Variants in ASZ1 observed in about 807,000 individuals in gnomAD.
ASZ1 encodes the protein ankyrin repeat, SAM and basic leucine zipper domain-containing protein 1.
In ASZ1, 67 loss-of-function variants were observed where a neutral mutation model predicts 61.8. The ratio of observed to expected loss-of-function variants is 1.08; its 90% CI spans 0.89 to 1.33. The LOEUF (loss-of-function observed/expected upper bound fraction) is 1.33, where lower values mean the gene tolerates loss of function less well. ASZ1 is among the 40% of genes most tolerant of loss of function. The pLI, the probability that ASZ1 is intolerant of heterozygous loss-of-function variation, is 0.00. For synonymous variants in ASZ1, 193 were observed against 192.7 expected (o/e 1.00, Z -0.01); for missense variants, 577 against 554.5 (o/e 1.04, Z -0.41).
At chr7:117,411,614 C>G (rs1796891335) in intron 4 of ASZ1, among the ~76,000 whole-genome samples, 1 of 151,816 alleles carries the variant, frequency 6.6e-6, no homozygotes, top group Non-Finnish European at 1.5e-5. Flanking sequence ...TTGAGCAATT[C>G]TACTTCTGGA....
chr7:117,370,804 T>TTGTGTGTGTGTGTGTG (rs3138784), intron 10 of ASZ1, among the ~76,000 whole-genome samples: 27 of 133,228 alleles, frequency 2.0e-4, no homozygotes, highest in African/African-American at 2.6e-4. Context: ...CCAAAGGTAA[T>TTGTGTGTGTGTGTGTG]TGTGTGTGTG....
intron 4 of ASZ1, among the ~76,000 whole-genome samples, chr7:117,410,492 T>TA (rs1796869369): frequency 6.6e-6 from 1 of 151,620 alleles, no homozygotes; most frequent in Admixed American, 6.6e-5. Context: ...AATTTTACAA[T>TA]AAAATGGCAG....
intron 6 of ASZ1, among the ~76,000 whole-genome samples, chr7:117,383,708 A>C (rs1394560666): frequency 6.6e-6 from 1 of 152,088 alleles, no homozygotes; most frequent in Non-Finnish European, 1.5e-5. Flanking sequence ...ATCTCATTTC[A>C]ATAAATGATT....
intron 4 of ASZ1, among the ~76,000 whole-genome samples, chr7:117,399,216 A>G (rs1182866968): frequency 1.3e-5 from 2 of 152,204 alleles, no homozygotes; most frequent in African/African-American, 4.8e-5. Flanking sequence ...GGCACAGAGC[A>G]AGACTGTGTC....
chr7:117,401,393 T>TA (rs1562855410), intron 4 of ASZ1, among the ~76,000 whole-genome samples: 4 of 136,086 alleles, frequency 2.9e-5, no homozygotes, highest in African/African-American at 1.1e-4. Context: ...TTTTTTTTTT[T>TA]TAAAAAAAAA....
At chr7:117,397,903 T>C (rs911552586) in intron 4 of ASZ1, among the ~76,000 whole-genome samples, 3 of 152,352 alleles carry the variant, frequency 2.0e-5, no homozygotes, top group Admixed American at 6.5e-5. Context: ...TGGCCTCTGG[T>C]TGTCCACAGG....
chr7:117,382,141 T>C lies in ASZ1; in HGVS notation c.816A>G (p.Ser272=). 6.4e-7 allele frequency: 1 copy of C among 1,570,664 alleles called. No individual in the cohort carries two copies. Among genetic ancestry groups the C allele is most frequent in the Non-Finnish European group, 8.8e-7 (1 of 1,141,194 alleles). The change falls in exon 8 of 13, where the codon TCA becomes TCG. Residue 272 remains serine (S), a synonymous_variant. Transcript: ENST00000284629. ...CTTCCAGATCTCCAAATGCTGTATATGAACTGTATACATTTATAGCAATGT... is the reference window on the plus strand; with the variant it reads ...CTTCCAGATCTCCAAATGCTGTATACGAACTGTATACATTTATAGCAATGT... The part of the protein sequence containing the change: ...SDREKDHIFS[S]YTAFGDLEVF...
intron 4 of ASZ1, among the ~76,000 whole-genome samples, chr7:117,401,504 T>G (rs60952264): frequency 1.9e-3 from 294 of 152,116 alleles, no homozygotes; most frequent in African/African-American, 5.3e-3. Flanking sequence ...GGACCCCTAC[T>G]GGCTCCAATA....
At chr7:117,379,175 AC>A (rs1796204154) in intron 10 of ASZ1, among the ~76,000 whole-genome samples, 11 of 135,454 alleles carry the variant, frequency 8.1e-5, no homozygotes, top group Admixed American at 7.2e-4. Flanking sequence ...ATATACACAC[AC>A]ACACACACAC....
intron 10 of ASZ1, among the ~76,000 whole-genome samples, chr7:117,375,257 T>C (rs1327844318): frequency 6.6e-6 from 1 of 152,036 alleles, no homozygotes; most frequent in African/African-American, 2.4e-5. Context: ...ACGGTTAAAT[T>C]CTTTCCATAA....
chr7:117,395,626 T>C (rs2116492028), intron 4 of ASZ1, among the ~76,000 whole-genome samples: 1 of 152,266 alleles, frequency 6.6e-6, no homozygotes, highest in African/African-American at 2.4e-5. Context: ...TTTTCGTTTC[T>C]TGTGAGTTGG....
At chr7:117,370,804 TTGTG>T (rs3138784) in intron 10 of ASZ1, among the ~76,000 whole-genome samples, 2,455 of 133,240 alleles carry the variant, frequency 0.018, 30 homozygotes, top group African/African-American at 0.033. Context: ...CCAAAGGTAA[TTGTG>T]TGTGTGTGTG....
chr7:117,374,176 G>A (rs1011095109), intron 10 of ASZ1, among the ~76,000 whole-genome samples: 35 of 152,104 alleles, frequency 2.3e-4, no homozygotes, highest in East Asian at 1.9e-4. Context: ...AATTAGGATC[G>A]TCTATATTAT....
At chr7:117,425,276 T>TTG (rs1423787284) in intron 2 of ASZ1, among the ~76,000 whole-genome samples, 2 of 142,718 alleles carry the variant, frequency 1.4e-5, no homozygotes, top group Admixed American at 7.0e-5. Flanking sequence ...TTTTTTTTTT[T>TTG]TTTTTTTGAG....
chr7:117,372,959 G>A (rs1796074536), intron 10 of ASZ1, among the ~76,000 whole-genome samples: 1 of 152,188 alleles, frequency 6.6e-6, no homozygotes, highest in African/African-American at 2.4e-5. Context: ...TTTTCCTGAT[G>A]TTCAGTATTT....
chr7:117,412,949 A>G (rs1796925122), intron 4 of ASZ1, among the ~76,000 whole-genome samples: 1 of 151,894 alleles, frequency 6.6e-6, no homozygotes, highest in Non-Finnish European at 1.5e-5. Flanking sequence ...GTTTCAATTC[A>G]TTTGACTGAA....
intron 4 of ASZ1, among the ~76,000 whole-genome samples, chr7:117,391,693 GC>G: frequency 6.6e-6 from 1 of 152,124 alleles, no homozygotes; most frequent in Non-Finnish European, 1.5e-5. Context: ...GATTACTGCA[GC>G]CTTTTAGTAT....
intron 4 of ASZ1, among the ~76,000 whole-genome samples, chr7:117,401,804 G>A (rs150764542): frequency 6.6e-6 from 1 of 152,256 alleles, no homozygotes; most frequent in East Asian, 1.9e-4. Context: ...TAGGTAAGGA[G>A]TGAATCTTCG....
At chr7:117,405,751 G>A (rs143503464) in intron 4 of ASZ1, among the ~76,000 whole-genome samples, 1 of 152,338 alleles carries the variant, frequency 6.6e-6, no homozygotes, top group Non-Finnish European at 1.5e-5. Flanking sequence ...ATGTTTGAGA[G>A]GCTGAAGAGG....
Sources: gnomAD v4.1 joint callset for allele counts (sites outside exome capture counted in the v4.1 genomes callset) on GRCh38, gnomAD v4.1.1 for gene constraint, MANE v1.5 for transcripts, NCBI Gene and HGNC (gene_info 2026-07-23, HGNC 2026-07-21) for gene names.